PCDH9: variants seen among roughly 807,000 people sequenced by gnomAD.
The protein encoded by PCDH9 is protocadherin-9.
A neutral mutation model predicts 70.6 loss-of-function variants in PCDH9; 24 were observed. The ratio of observed to expected loss-of-function variants is 0.34; its 90% CI spans 0.25 to 0.48. The LOEUF (loss-of-function observed/expected upper bound fraction) is 0.48, where lower values mean the gene tolerates loss of function less well. Among genes scored for constraint, PCDH9 ranks in the 20% least tolerant of loss-of-function variants. The pLI, the probability that PCDH9 is intolerant of heterozygous loss-of-function variation, is 0.99. For missense variants in PCDH9, 1,281 were observed against 1,503.6 expected, an observed-to-expected ratio of 0.85 and a Z score of 2.45; for synonymous variants, 562 against 558.5, an observed-to-expected ratio of 1.01 and a Z score of -0.09.
intron 4 of PCDH9, among the ~76,000 whole-genome samples, chr13:66,345,048 T>C (rs534444296): frequency 1.3e-5 from 2 of 152,210 alleles, no homozygotes; most frequent in Non-Finnish European, 2.9e-5. Flanking sequence ...CTTATTGTAC[T>C]ATAACTCAGG....
chr13:67,101,636 T>C (rs1349173303), intron 2 of PCDH9, among the ~76,000 whole-genome samples: 2 of 152,200 alleles, frequency 1.3e-5, no homozygotes, highest in Non-Finnish European at 2.9e-5. Flanking sequence ...TTTGTTCAAT[T>C]TGTATGTTGG....
chr13:66,667,433 A>T (rs557236702), intron 3 of PCDH9, among the ~76,000 whole-genome samples: 33 of 152,072 alleles, frequency 2.2e-4, no homozygotes, highest in African/African-American at 7.7e-4. Flanking sequence ...TTATTTCCTT[A>T]TTTTTTTTCT....
chr13:66,528,892 T>A (rs1490372470), intron 4 of PCDH9, among the ~76,000 whole-genome samples: 5 of 152,052 alleles, frequency 3.3e-5, no homozygotes, highest in Non-Finnish European at 5.9e-5. Context: ...ATGTGTTTTT[T>A]AAAAAAATAA....
chr13:67,129,176 C>T (rs1265093548), intron 2 of PCDH9, among the ~76,000 whole-genome samples: 1 of 152,032 alleles, frequency 6.6e-6, no homozygotes, highest in Non-Finnish European at 1.5e-5. Flanking sequence ...TTGTAAAGTA[C>T]AGAAGGTATA....
Position 66,609,954 on chromosome 13 carries a change from C to CTTTTTTTT in PCDH9, c.3340+21248_3340+21255dup, listed in dbSNP as rs11333407. Among the ~76,000 whole-genome samples, 92 of 117,126 alleles carry CTTTTTTTT rather than the reference C, an allele frequency of 7.9e-4. 3 individuals are homozygous for CTTTTTTTT. The highest frequency in any genetic ancestry group is 2.6e-3 in the African/African-American group (83 of 32,518). 76.8% of individuals were successfully genotyped at this position (117,126 alleles called of 152,430 possible). A position where few individuals can be genotyped will look rare whatever the true frequency, so the allele number is the denominator to read the frequency against. On this transcript the variant is annotated intron_variant, in intron 4 of 4. Coordinates refer to ENST00000377865, the MANE Select transcript of PCDH9 (RefSeq NM_203487.3). ...CAGTAAGGAGAAATAGCATTTCCTT[C>CTTTTTTTT]TTTTTTTTTTTTTTTTTTTTTGAGA...
rs1397643244 is a variant in PCDH9 at position 66,305,011 on chromosome 13, G to A, written c.3358C>T (p.Arg1120Ter). 3 of 1,610,654 alleles carry A rather than the reference G, an allele frequency of 1.9e-6. No homozygotes were observed. Among genetic ancestry groups the A allele is most frequent in the Non-Finnish European group, 2.5e-6 (3 of 1,177,862 alleles). Residue 1120 changes from arginine (R) to a stop codon, truncating the protein, a stop_gained, in exon 5 of 5, where the codon CGA becomes TGA. Coordinates refer to ENST00000377865, the MANE Select transcript of PCDH9 (RefSeq NM_203487.3). LOFTEE classifies it high-confidence loss of function. ...ATCTCTGTAGCTTCAGCTAATCCTC[G>A]GGGACCCAAAGGCCCATCTGCAGAA... Reference protein sequence around the residue: ...DPNSDGPLGPRGLAEATEMCT... With the variant: ...DPNSDGPLGP
At chr13:66,783,883 T>C (rs2080038458) in intron 3 of PCDH9, among the ~76,000 whole-genome samples, 2 of 152,134 alleles carry the variant, frequency 1.3e-5, no homozygotes, top group South Asian at 2.1e-4. Context: ...CACATAATTG[T>C]TTCTTTTAAA....
intron 3 of PCDH9, among the ~76,000 whole-genome samples, chr13:66,881,587 A>G (rs982799529): frequency 1.3e-5 from 2 of 152,204 alleles, no homozygotes; most frequent in African/African-American, 4.8e-5. Flanking sequence ...ATCATTCAAT[A>G]AGGGATATAT....
chr13:66,862,814 G>A (rs1048733986), intron 3 of PCDH9, among the ~76,000 whole-genome samples: 1 of 151,890 alleles, frequency 6.6e-6, no homozygotes, highest in African/African-American at 2.4e-5. Flanking sequence ...TCTGTATATT[G>A]TCATTTTAAT....
chr13:66,450,404 A>G (rs1352925588), intron 4 of PCDH9, among the ~76,000 whole-genome samples: 3 of 152,208 alleles, frequency 2.0e-5, no homozygotes, highest in African/African-American at 7.2e-5. Context: ...TATTTTCTAG[A>G]GAACTATGAG....
intron 4 of PCDH9, among the ~76,000 whole-genome samples, chr13:66,352,217 A>T (rs995377450): frequency 6.6e-6 from 1 of 152,234 alleles, no homozygotes; most frequent in Admixed American, 6.5e-5. Context: ...AAAAAAGCTT[A>T]TTAACTTTAA....
intron 3 of PCDH9, among the ~76,000 whole-genome samples, chr13:66,634,586 G>C (rs991057857): frequency 6.6e-6 from 1 of 152,130 alleles, no homozygotes; most frequent in Non-Finnish European, 1.5e-5. Flanking sequence ...TACCTTGCCT[G>C]TGGAAGTGTT....
At chr13:66,437,800 T>C (rs1310317959) in intron 4 of PCDH9, among the ~76,000 whole-genome samples, 2 of 152,122 alleles carry the variant, frequency 1.3e-5, no homozygotes, top group Non-Finnish European at 2.9e-5. Flanking sequence ...CCTATGTGTA[T>C]ACCTAAAATA....
chr13:66,970,996 A>C (rs184820872), intron 2 of PCDH9, among the ~76,000 whole-genome samples: 29 of 152,160 alleles, frequency 1.9e-4, no homozygotes, highest in African/African-American at 6.7e-4. Context: ...TCAGTCCTAG[A>C]TATTGATCAA....
chr13:66,305,900 C>T (rs1014101270), intron 4 of PCDH9, among the ~76,000 whole-genome samples: 21 of 151,870 alleles, frequency 1.4e-4, no homozygotes, highest in African/African-American at 5.1e-4. Flanking sequence ...ACCAGGATTT[C>T]GAAAGTAAAC....
At position 67,013,453 on chromosome 13, in the gene PCDH9, C is replaced by T. The variant is rs1018438181; in HGVS notation, c.3037-109848G>A. The stretch of plus-strand genomic sequence containing the variant: ...TCTGGATGTAGATTTATTTAACCAC[C>T]TATCTGTGGTAAACAGCTGCATGCA... On this transcript the variant is annotated intron_variant, in intron 2 of 4. Coordinates refer to ENST00000377865, the MANE Select transcript of PCDH9 (RefSeq NM_203487.3). Among the ~76,000 whole-genome samples the T allele has an allele frequency of 6.6e-5, 10 of 151,930 alleles. No homozygotes were observed. In the East Asian group the frequency reaches 1.9e-3, roughly 29 times the overall value.
At chr13:67,158,383 A>G (rs1327037687) in intron 2 of PCDH9, among the ~76,000 whole-genome samples, 1 of 152,224 alleles carries the variant, frequency 6.6e-6, no homozygotes, top group East Asian at 1.9e-4. Flanking sequence ...GAAAGGCCCT[A>G]AAGCATGAAT....
At chr13:66,730,179 T>C (rs1193750591) in intron 3 of PCDH9, among the ~76,000 whole-genome samples, 1 of 152,196 alleles carries the variant, frequency 6.6e-6, no homozygotes, top group Admixed American at 6.5e-5. Flanking sequence ...ATGCATTCAT[T>C]TTTTTCATAT....
chr13:66,720,265 C>A (rs150240562), intron 3 of PCDH9, among the ~76,000 whole-genome samples: 2,081 of 151,956 alleles, frequency 0.014, 45 homozygotes, highest in African/African-American at 0.047. Flanking sequence ...CCTGCCTCAG[C>A]CTCCTGAGTA....
Sources: gnomAD v4.1 joint callset for allele counts (sites outside exome capture counted in the v4.1 genomes callset) on GRCh38, gnomAD v4.1.1 for gene constraint, MANE v1.5 for transcripts, NCBI Gene and HGNC (gene_info 2026-07-23, HGNC 2026-07-21) for gene names.